The following TENM4 variants were observed in gnomAD, a reference collection of about 807,000 sequenced individuals.
TENM4 encodes the protein teneurin-4.
TENM4 carries 82 observed loss-of-function variants against 243.3 expected under a neutral mutation model. The ratio of observed to expected loss-of-function variants is 0.34; its 90% CI spans 0.28 to 0.40. The LOEUF (loss-of-function observed/expected upper bound fraction) is 0.40, where lower values mean the gene tolerates loss of function less well. Ranked by LOEUF, TENM4 falls within the 10% of genes least tolerant of loss-of-function variation. The pLI is 1.00. For missense variants in TENM4, 3,138 were observed against 3,673.3 expected (o/e 0.85, Z 3.77); for synonymous variants, 1,412 against 1,456.3 (o/e 0.97, Z 0.69).
intron 6 of TENM4, among the ~76,000 whole-genome samples, chr11:79,007,851 C>T (rs1382721159): frequency 6.6e-6 from 1 of 152,168 alleles, no homozygotes; most frequent in Non-Finnish European, 1.5e-5. Flanking sequence ...GCACACTCGG[C>T]ACAGGCCCAT....
intron 6 of TENM4, among the ~76,000 whole-genome samples, chr11:79,034,145 C>T (rs1387348586): frequency 6.6e-6 from 1 of 152,144 alleles, no homozygotes. Context: ...AACTGCAGAG[C>T]GACATACAAG....
intron 1 of TENM4, among the ~76,000 whole-genome samples, chr11:79,317,821 G>A (rs765239702): frequency 3.9e-5 from 6 of 152,052 alleles, no homozygotes; most frequent in Non-Finnish European, 7.4e-5. Context: ...CCAACTTGGC[G>A]CTTTCATTTC....
At chr11:78,832,440 T>C (rs1858005871) in intron 12 of TENM4, among the ~76,000 whole-genome samples, 1 of 152,276 alleles carries the variant, frequency 6.6e-6, no homozygotes, top group Non-Finnish European at 1.5e-5. Context: ...GCTTTGCGTA[T>C]GCACGCACAC....
intron 1 of TENM4, among the ~76,000 whole-genome samples, chr11:79,413,065 A>T (rs1175782169): frequency 6.6e-6 from 1 of 152,264 alleles, no homozygotes; most frequent in Non-Finnish European, 1.5e-5. Context: ...AAGGCCATCA[A>T]ATCAGGCTAC....
intron 4 of TENM4, chr11:79,097,619 C>T (rs1340632113): frequency 6.6e-6 from 1 of 152,172 alleles, no homozygotes; most frequent in African/African-American, 2.4e-5. Flanking sequence ...ACCCCTTGAA[C>T]TTTCTCCAAA....
At chr11:79,345,106 C>T (rs1274653378) in intron 1 of TENM4, among the ~76,000 whole-genome samples, 1 of 152,218 alleles carries the variant, frequency 6.6e-6, no homozygotes, top group East Asian at 1.9e-4. Context: ...TAACAAGATA[C>T]TCAGCGGATG....
chr11:79,177,845 G>T (rs1201431200), intron 3 of TENM4, among the ~76,000 whole-genome samples: 1 of 152,118 alleles, frequency 6.6e-6, no homozygotes, highest in Non-Finnish European at 1.5e-5. Flanking sequence ...ATCAGGGTGG[G>T]CCCTGCTGTG....
chr11:78,778,780 C>G (rs1167809036), intron 16 of TENM4, among the ~76,000 whole-genome samples, 152 bp from the exon 17 acceptor site: 1 of 152,148 alleles, frequency 6.6e-6, no homozygotes, highest in African/African-American at 2.4e-5. Context: ...AAACCAAAGA[C>G]AGGATGACAT....
At chr11:78,663,626 G>A (rs1047776540) in intron 32 of TENM4, among the ~76,000 whole-genome samples, 1 of 152,114 alleles carries the variant, frequency 6.6e-6, no homozygotes, top group Non-Finnish European at 1.5e-5. Context: ...GAGCAGATGC[G>A]GCTGCCATGC....
intron 1 of TENM4, among the ~76,000 whole-genome samples, chr11:79,316,238 T>A (rs1856800555): frequency 6.6e-6 from 1 of 150,674 alleles, no homozygotes; most frequent in African/African-American, 2.4e-5. Flanking sequence ...GATTGAGAAC[T>A]GATATAAAAA....
intron 4 of TENM4, among the ~76,000 whole-genome samples, chr11:79,135,647 A>G (rs1256856642): frequency 7.0e-6 from 1 of 143,786 alleles, no homozygotes; most frequent in African/African-American, 2.9e-5. Context: ...TGATATACAT[A>G]TCATATATAT....
At chr11:79,314,642 A>G (rs1186597926) in intron 1 of TENM4, among the ~76,000 whole-genome samples, 6 of 152,226 alleles carry the variant, frequency 3.9e-5, no homozygotes, top group Non-Finnish European at 5.9e-5. Context: ...CATATTAGTT[A>G]CTTATTTGTT....
rs1376847106 is a variant in TENM4 at position 79,318,536 on chromosome 11, G to A, written c.-320-20993C>T. Reference sequence around the variant, plus strand: ...TGGTGTAAATACTCCAACCATGGCTGGTTTCAAGCTATCAAGTTGACGTCA... The same window carrying A: ...TGGTGTAAATACTCCAACCATGGCTAGTTTCAAGCTATCAAGTTGACGTCA... On this transcript the variant is annotated intron_variant, in intron 1 of 33. Coordinates refer to ENST00000278550, the MANE Select transcript of TENM4 (RefSeq NM_001098816.3). 4.6e-5 allele frequency among the ~76,000 whole-genome samples: 7 copies of A among 152,240 alleles called. No individual in the cohort carries two copies. In the South Asian group the frequency reaches 1.5e-3, roughly 32 times the overall value.
rs114577913 is a variant in TENM4 at position 78,865,664 on chromosome 11, T to C, written c.1085-2532A>G. ...GAGACTGGAGCACAGCATACCCGTT[T>C]GACTTCTAGTCTGAACACAAGCCAT... On this transcript the variant is annotated intron_variant, in intron 9 of 33. Coordinates refer to ENST00000278550, the MANE Select transcript of TENM4 (RefSeq NM_001098816.3). Among the ~76,000 whole-genome samples, 1,045 of 152,328 alleles carry C rather than the reference T, an allele frequency of 6.9e-3. 12 individuals carry two copies. The highest frequency in any genetic ancestry group is 0.024 in the African/African-American group (987 of 41,562).
chr11:79,238,384 C>T (rs910802767), intron 2 of TENM4, among the ~76,000 whole-genome samples: 10 of 152,096 alleles, frequency 6.6e-5, no homozygotes, highest in African/African-American at 1.7e-4. Context: ...GGCAGCACTC[C>T]GATCCCTTGA....
At chr11:78,896,485 C>T (rs148743919) in intron 7 of TENM4, among the ~76,000 whole-genome samples, 37 of 152,282 alleles carry the variant, frequency 2.4e-4, no homozygotes, top group African/African-American at 8.4e-4. Context: ...GTCTACCACC[C>T]CAGCCTCCAG....
intron 4 of TENM4, among the ~76,000 whole-genome samples, chr11:79,142,105 G>A (rs896733779): frequency 5.9e-5 from 9 of 151,996 alleles, no homozygotes; most frequent in African/African-American, 2.2e-4. Context: ...TCTTGCCACT[G>A]TTATTTAACA....
chr11:78,896,149 C>G (rs903437003), intron 7 of TENM4, among the ~76,000 whole-genome samples: 6 of 152,212 alleles, frequency 3.9e-5, no homozygotes, highest in African/African-American at 1.4e-4. Flanking sequence ...CACCCTCTCA[C>G]AGTGAGCCCG....
At position 78,903,459 on chromosome 11, in the gene TENM4, G is replaced by A; in HGVS notation, c.558C>T (p.Ala186=). The change falls in exon 7 of 34, where the codon GCC becomes GCT. Residue 186 remains alanine (A), a synonymous_variant. Coordinates refer to ENST00000278550, the MANE Select transcript of TENM4 (RefSeq NM_001098816.3). ...LRTPPPPLSH[A]HTPNQHHAAS... ...CCGCGTGGTGCTGGTTGGGGGTGTG[G>A]GCGTGCGAGAGCGGCGGCGGCGGCG... 1.9e-6 allele frequency: 3 copies of A among 1,549,028 alleles called. No individual in the cohort carries two copies. Among genetic ancestry groups the A allele is most frequent in the Non-Finnish European group, 2.6e-6 (3 of 1,145,878 alleles).
Sources: allele counts gnomAD v4.1 joint callset (sites outside exome capture counted in the v4.1 genomes callset), GRCh38; gene constraint gnomAD v4.1.1; transcripts MANE v1.5; gene names NCBI Gene and HGNC (gene_info 2026-07-23, HGNC 2026-07-21).